The following EPB41L4A variants were observed in gnomAD, a reference collection of about 807,000 sequenced individuals.
The protein encoded by EPB41L4A is band 4.1-like protein 4A.
Under a neutral mutation model 108.6 loss-of-function variants are expected in EPB41L4A, and 100 were observed. That is an observed-to-expected ratio of 0.92 (90% CI 0.78 to 1.09). The LOEUF (loss-of-function observed/expected upper bound fraction) is 1.09. Ranked by LOEUF, EPB41L4A falls within the 50% of genes least tolerant of loss-of-function variation. The pLI, the probability that EPB41L4A is intolerant of heterozygous loss-of-function variation, is 0.00. For synonymous variants in EPB41L4A, 319 were observed against 289.0 expected, an observed-to-expected ratio of 1.10 and a Z score of -1.05; for missense variants, 1,030 against 842.7, an observed-to-expected ratio of 1.22 and a Z score of -2.75.
At chr5:112,340,871 C>G (rs1016833566) in intron 1 of EPB41L4A, among the ~76,000 whole-genome samples, 1 of 152,190 alleles carries the variant, frequency 6.6e-6, no homozygotes, top group African/African-American at 2.4e-5. Flanking sequence ...ATATTTCATA[C>G]ATAAGTATCC....
At chr5:112,181,723 T>C (rs1472115216) in intron 18 of EPB41L4A, among the ~76,000 whole-genome samples, 2 of 152,138 alleles carry the variant, frequency 1.3e-5, no homozygotes, top group African/African-American at 4.8e-5. Flanking sequence ...AAGGAGTATA[T>C]ATTGTGTTAT....
chr5:112,207,262 AT>A (rs1307852568), intron 13 of EPB41L4A, among the ~76,000 whole-genome samples: 6 of 152,220 alleles, frequency 3.9e-5, no homozygotes, highest in African/African-American at 1.4e-4. Flanking sequence ...CTTTTACTAT[AT>A]TCAAAAATCC....
chr5:112,418,793 C>T, intron 1 of EPB41L4A, 148 bp downstream of exon 1: 2 of 584,832 alleles, frequency 3.4e-6, no homozygotes, highest in South Asian at 2.1e-5. Context: ...TCCACCCTCT[C>T]CCTGCGCGCA....
intron 1 of EPB41L4A, among the ~76,000 whole-genome samples, chr5:112,411,209 A>G (rs747275872): frequency 1.8e-4 from 27 of 152,182 alleles, no homozygotes; most frequent in Non-Finnish European, 3.5e-4. Context: ...AAGTGATCAG[A>G]ATCCAGAAAA....
At chr5:112,379,128 T>TG (rs1046984274) in intron 1 of EPB41L4A, among the ~76,000 whole-genome samples, 9 of 152,210 alleles carry the variant, frequency 5.9e-5, no homozygotes, top group Admixed American at 1.3e-4. Context: ...GCGAGCACCC[T>TG]GGGGGGGTCA....
intron 2 of EPB41L4A, among the ~76,000 whole-genome samples, chr5:112,302,044 G>C (rs1754394992): frequency 6.6e-6 from 1 of 152,034 alleles, no homozygotes; most frequent in Admixed American, 6.6e-5. Flanking sequence ...GGTAGATGAA[G>C]AGTACAAAAT....
intron 18 of EPB41L4A, among the ~76,000 whole-genome samples, chr5:112,178,973 A>T (rs1385424973): frequency 1.5e-5 from 2 of 131,576 alleles, no homozygotes; most frequent in East Asian, 3.9e-4. Flanking sequence ...AAAATAAATT[A>T]AAAAAAAATG....
chr5:112,371,468 T>C (rs1241393076), intron 1 of EPB41L4A, among the ~76,000 whole-genome samples: 1 of 152,156 alleles, frequency 6.6e-6, no homozygotes. Flanking sequence ...TGGAATCCCT[T>C]GGCCCCACTT....
At chr5:112,222,763 G>A (rs1399687323) in intron 12 of EPB41L4A, among the ~76,000 whole-genome samples, 2 of 152,088 alleles carry the variant, frequency 1.3e-5, no homozygotes, top group Non-Finnish European at 2.9e-5. Flanking sequence ...ATCTTTTCTG[G>A]AGAAGGAATC....
At position 112,330,457 on chromosome 5, in the gene EPB41L4A, C is replaced by A. The variant is rs114970195; in HGVS notation, c.100-22967G>T. Among the ~76,000 whole-genome samples the A allele has an allele frequency of 9.2e-3, 1,394 of 152,168 alleles. 23 individuals carry two copies. The highest frequency in any genetic ancestry group is 0.032 in the African/African-American group (1,330 of 41,502). On this transcript the variant is annotated intron_variant, in intron 1 of 22. Coordinates refer to ENST00000261486, the MANE Select transcript of EPB41L4A (RefSeq NM_022140.5). ...AAAAAATAAGGGTTGATGTACCTCT[C>A]GCATTGTCTTAAGTTTTAAAAAAGC...
At chr5:112,308,267 TAATAA>T (rs1754822431) in intron 1 of EPB41L4A, among the ~76,000 whole-genome samples, 1 of 152,164 alleles carries the variant, frequency 6.6e-6, no homozygotes, top group South Asian at 2.1e-4. Flanking sequence ...TATAATAAGA[TAATAA>T]AAGAAATCCC....
intron 6 of EPB41L4A, among the ~76,000 whole-genome samples, chr5:112,262,837 TA>T (rs1751589325): frequency 6.6e-6 from 1 of 152,154 alleles, no homozygotes; most frequent in South Asian, 2.1e-4. Context: ...CAGCATATAT[TA>T]AAAATTCTCA....
chr5:112,392,498 A>G (rs1761020691), intron 1 of EPB41L4A, among the ~76,000 whole-genome samples: 1 of 151,822 alleles, frequency 6.6e-6, no homozygotes, highest in South Asian at 2.1e-4. Context: ...ACAGAAGGCC[A>G]TTACATAATG....
chr5:112,277,775 G>C (rs1203035649), intron 3 of EPB41L4A, among the ~76,000 whole-genome samples: 1 of 152,168 alleles, frequency 6.6e-6, no homozygotes. Context: ...TGAACATTTT[G>C]GACAAGGATA....
intron 1 of EPB41L4A, among the ~76,000 whole-genome samples, chr5:112,405,669 T>C (rs932925633): frequency 3.3e-5 from 5 of 152,212 alleles, no homozygotes; most frequent in Non-Finnish European, 7.3e-5. Context: ...GGGTTTCAGA[T>C]AAGGCACAGT....
intron 2 of EPB41L4A, among the ~76,000 whole-genome samples, chr5:112,282,459 G>A (rs971403111): frequency 1.3e-5 from 2 of 152,200 alleles, no homozygotes; most frequent in African/African-American, 4.8e-5. Flanking sequence ...ATTACCACAA[G>A]CTTAGAGGCT....
chr5:112,380,985 T>C (rs1253033083), intron 1 of EPB41L4A, among the ~76,000 whole-genome samples: 1 of 152,142 alleles, frequency 6.6e-6, no homozygotes, highest in African/African-American at 2.4e-5. Context: ...CCAAAACTCA[T>C]GGGGCCAGAT....
Position 112,274,210 on chromosome 5 carries a change from T to G in EPB41L4A, c.335+1116A>C, listed in dbSNP as rs938561471. Reference sequence around the variant, plus strand: ...CGGGAGGATTCTGTGAACCCAGGAGTTTGAGGTCACAGTGAGCTATGATTA... The same window carrying G: ...CGGGAGGATTCTGTGAACCCAGGAGGTTGAGGTCACAGTGAGCTATGATTA... On this transcript the variant is annotated intron_variant, in intron 4 of 22. Transcript: ENST00000261486. Among the ~76,000 whole-genome samples the G allele has an allele frequency of 1.4e-4, 21 of 151,552 alleles. 1 individual carries two copies. Among genetic ancestry groups the G allele is most frequent in the Admixed American group, 1.2e-3 (18 of 15,216 alleles).
intron 9 of EPB41L4A, among the ~76,000 whole-genome samples, chr5:112,245,710 C>A (rs115820375): frequency 3.1e-4 from 47 of 152,264 alleles, no homozygotes; most frequent in African/African-American, 1.1e-3. Flanking sequence ...CCAAAGGATG[C>A]AGGTCAGAGA....
Sources: gnomAD v4.1 joint callset for allele counts (sites outside exome capture counted in the v4.1 genomes callset) on GRCh38, gnomAD v4.1.1 for gene constraint, MANE v1.5 for transcripts, NCBI Gene and HGNC (gene_info 2026-07-23, HGNC 2026-07-21) for gene names.